The following SCGB2B2 variants were observed in gnomAD, a reference collection of about 807,000 sequenced individuals.
SCGB2B2 encodes secretoglobin family 2B member 2, also known as secretoglobin-like protein.
Under a neutral mutation model 7.6 loss-of-function variants are expected in SCGB2B2, and 11 were observed. That is an observed-to-expected ratio of 1.45 (90% CI 0.91 to 2.40). SCGB2B2 has a LOEUF of 2.40. Ranked by LOEUF, SCGB2B2 falls within the 30% of genes most tolerant of loss-of-function variation. The pLI is 0.00. For synonymous variants in SCGB2B2, 50 were observed against 48.6 expected (o/e 1.03, Z -0.12); for missense variants, 104 against 115.4 (o/e 0.90, Z 0.45).
chr19:34,667,057 G>GA (rs1216264635), intron 1 of SCGB2B2, among the ~76,000 whole-genome samples: 1 of 152,032 alleles, frequency 6.6e-6, no homozygotes, highest in East Asian at 1.9e-4. Flanking sequence ...GGGACAGGCC[G>GA]TCATGCAGCA....
intron 1 of SCGB2B2, among the ~76,000 whole-genome samples, chr19:34,659,381 T>C (rs1249768291): frequency 6.6e-6 from 1 of 152,212 alleles, no homozygotes; most frequent in Admixed American, 6.5e-5. Flanking sequence ...ATTTTATATT[T>C]AGAAAACCTC....
intron 1 of SCGB2B2, among the ~76,000 whole-genome samples, chr19:34,650,949 A>T (rs1188133041): frequency 6.6e-6 from 1 of 151,378 alleles, no homozygotes; most frequent in African/African-American, 2.5e-5. Context: ...ATGTTTCCAG[A>T]TACACAAATC....
At chr19:34,625,298 G>A (rs560017472) in intron 1 of SCGB2B2, among the ~76,000 whole-genome samples, 23 of 152,324 alleles carry the variant, frequency 1.5e-4, no homozygotes, top group African/African-American at 5.3e-4. Flanking sequence ...AGCGCACCGA[G>A]TGTGAGACGA....
chr19:34,589,166 C>T (rs996951902), downstream of SCGB2B2, among the ~76,000 whole-genome samples: 2 of 152,144 alleles, frequency 1.3e-5, no homozygotes, highest in Admixed American at 6.5e-5. Context: ...GGAAGGTCAA[C>T]ACTTAGACGT....
intron 1 of SCGB2B2, among the ~76,000 whole-genome samples, chr19:34,644,121 A>G (rs2066921923): frequency 6.6e-6 from 1 of 152,236 alleles, no homozygotes; most frequent in Non-Finnish European, 1.5e-5. Flanking sequence ...GATGATGGGT[A>G]ACGTGGCATA....
chr19:34,630,429 C>T (rs1472965520), intron 1 of SCGB2B2, among the ~76,000 whole-genome samples: 2 of 151,844 alleles, frequency 1.3e-5, no homozygotes, highest in African/African-American at 2.4e-5. Flanking sequence ...AAAAAACAAA[C>T]AACCCCATCA....
intron 1 of SCGB2B2, among the ~76,000 whole-genome samples, chr19:34,610,134 C>T (rs757539317): frequency 1.1e-4 from 16 of 151,972 alleles, no homozygotes; most frequent in Admixed American, 4.6e-4. Context: ...TGTAGGAATG[C>T]TACTGATTTT....
intron 1 of SCGB2B2, among the ~76,000 whole-genome samples, chr19:34,669,690 C>T (rs941346998): frequency 5.1e-5 from 7 of 137,692 alleles, no homozygotes; most frequent in Non-Finnish European, 8.2e-5. Flanking sequence ...GTGGGTCTCT[C>T]TGCAGACCTG....
intron 1 of SCGB2B2, chr19:34,608,660 C>CATACATATATATATATATATATAT (rs2065844221): frequency 2.3e-5 from 2 of 87,242 alleles, no homozygotes; most frequent in African/African-American, 1.1e-4. Context: ...TGTCTCATTG[C>CATACATATATATATATATATATAT]ATATATATAT....
intron 1 of SCGB2B2, among the ~76,000 whole-genome samples, chr19:34,653,206 G>C (rs919390855): frequency 6.6e-6 from 1 of 151,296 alleles, no homozygotes; most frequent in Non-Finnish European, 1.5e-5. Flanking sequence ...GCAGGAAGTA[G>C]TTGGGGGAGG....
intron 1 of SCGB2B2, among the ~76,000 whole-genome samples, chr19:34,617,877 TG>T: frequency 6.6e-6 from 1 of 152,314 alleles, no homozygotes; most frequent in African/African-American, 2.4e-5. Flanking sequence ...AGTATTCGGG[TG>T]GGAGTGACCC....
intron 1 of SCGB2B2, among the ~76,000 whole-genome samples, chr19:34,607,141 G>A (rs931688473): frequency 1.1e-4 from 16 of 152,210 alleles, no homozygotes; most frequent in African/African-American, 3.9e-4. Flanking sequence ...GGTCATGCAG[G>A]ATTTGTGTTT....
At position 34,596,455 on chromosome 19, in the gene SCGB2B2, G is replaced by C. The variant is rs936668111; in HGVS notation, c.-1892C>G. 5 of 152,754 alleles carry C rather than the reference G, an allele frequency of 3.3e-5. No homozygotes were observed. The highest frequency in any genetic ancestry group is 1.2e-4 in the African/African-American group (5 of 41,438). 9.5% of individuals were successfully genotyped at this position (152,754 alleles called of 1,614,324 possible). On this transcript the variant is annotated 5_prime_UTR_variant, in exon 2 of 4. Transcript: ENST00000601241. ...TGCACGTGTGTGAGAATGGGATTTT[G>C]TGTGTGTGTGAGTGGAATGCGCTGG...
intron 1 of SCGB2B2, among the ~76,000 whole-genome samples, chr19:34,656,802 A>C (rs1373449833): frequency 6.6e-6 from 1 of 151,316 alleles, no homozygotes; most frequent in African/African-American, 2.5e-5. Flanking sequence ...GCCTAAAATT[A>C]TGTGAAATTT....
chr19:34,604,376 G>A (rs980045855), intron 1 of SCGB2B2, among the ~76,000 whole-genome samples: 5 of 152,180 alleles, frequency 3.3e-5, no homozygotes, highest in Admixed American at 1.3e-4. Context: ...TCTTTAGGGT[G>A]AGCCCCTGAA....
At chr19:34,621,855 A>G (rs1196693245) in intron 1 of SCGB2B2, among the ~76,000 whole-genome samples, 1 of 152,128 alleles carries the variant, frequency 6.6e-6, no homozygotes, top group Non-Finnish European at 1.5e-5. Flanking sequence ...CCTTGGCTGC[A>G]TAGGTTTGCA....
intron 1 of SCGB2B2, among the ~76,000 whole-genome samples, chr19:34,597,996 G>A (rs949652548): frequency 3.9e-5 from 6 of 152,214 alleles, no homozygotes; most frequent in Admixed American, 1.3e-4. Context: ...TGGAGGGGTC[G>A]GGGAGACTGC....
At chr19:34,641,629 A>ACAGTATGTAAATTGGGTGAT (rs1386295478) in intron 1 of SCGB2B2, among the ~76,000 whole-genome samples, 7 of 135,650 alleles carry the variant, frequency 5.2e-5, no homozygotes, top group Non-Finnish European at 1.1e-4. Flanking sequence ...AAAGATCTTG[A>ACAGTATGTAAATTGGGTGAT]CAGTATGTAA....
downstream of SCGB2B2, among the ~76,000 whole-genome samples, chr19:34,588,807 TGGA>T (rs751754857): frequency 2.6e-5 from 4 of 151,996 alleles, no homozygotes; most frequent in African/African-American, 7.3e-5. Flanking sequence ...GACCGATGGA[TGGA>T]GGAGAAGGAA....
Sources: allele counts gnomAD v4.1 joint callset (sites outside exome capture counted in the v4.1 genomes callset), GRCh38; gene constraint gnomAD v4.1.1; transcripts MANE v1.5; gene names NCBI Gene and HGNC (gene_info 2026-07-23, HGNC 2026-07-21).